The following PNLDC1 variants were observed in gnomAD, a reference collection of about 807,000 sequenced individuals.
The protein encoded by PNLDC1 is PARN like ribonuclease domain containing exonuclease 1, also known as poly(A)-specific ribonuclease PNLDC1.
In PNLDC1, 70 loss-of-function variants were observed where a neutral mutation model predicts 82.0. That is an observed-to-expected ratio of 0.85 (90% CI 0.70 to 1.04). PNLDC1 has a LOEUF of 1.04. Ranked by LOEUF, PNLDC1 falls within the 50% of genes least tolerant of loss-of-function variation. PNLDC1 has a pLI of 0.00. For synonymous variants in PNLDC1, 280 were observed against 249.3 expected (o/e 1.12, Z -1.16); for missense variants, 631 against 661.1 (o/e 0.95, Z 0.50).
rs1409822717 is a variant in PNLDC1, at chr6:159,808,734, C to T, written c.563-6C>T. ...TGCTGTGTGCCCCTGTGTTTCCCTG[C>T]TGCAGGCTTCCAGGCCTTTGAGGTC... On this transcript the variant is annotated splice_region_variant and splice_polypyrimidine_tract_variant and intron_variant, in intron 7 of 18. Coordinates refer to ENST00000392167, the MANE Select transcript of PNLDC1 (RefSeq NM_001271862.2). The T allele has an allele frequency of 1.2e-6, 2 of 1,612,932 alleles. No individual in the cohort carries two copies. Among genetic ancestry groups the T allele is most frequent in the East Asian group, 4.5e-5 (2 of 44,828 alleles).
Position 159,800,363 on chromosome 6 carries a change from T to C in PNLDC1, c.56T>C (p.Val19Ala). ...EESLPLLQEL[V>A]QEADFVGLDI... ...AGCCTCCCTCTGCTGCAGGAGCTCG[T>C]CCAGGAGGCCGACTTCGTGGGTGAA... Residue 19 changes from valine (V) to alanine (A), a missense_variant, in exon 1 of 19, where the codon GTC becomes GCC. By Grantham distance (64) the Val-to-Ala change is moderately conservative. Coordinates refer to ENST00000392167, the MANE Select transcript of PNLDC1 (RefSeq NM_001271862.2). 1 of 1,548,108 alleles carries C rather than the reference T, an allele frequency of 6.5e-7. No homozygotes were observed. Among genetic ancestry groups the C allele is most frequent in the Non-Finnish European group, 8.7e-7 (1 of 1,146,480 alleles).
At chr6:159,803,366 G>A in intron 4 of PNLDC1, 56 bp downstream of exon 4, 2 of 1,535,844 alleles carry the variant, frequency 1.3e-6, no homozygotes, top group Non-Finnish European at 1.8e-6. Context: ...TTCCACAGCT[G>A]CCACCTTCAA....
rs543558170 is a variant in PNLDC1 at position 159,820,450 on chromosome 6, G to T, written c.1533-4G>T. 1.2e-6 allele frequency: 2 copies of T among 1,614,062 alleles called. No homozygotes were observed. The highest frequency in any genetic ancestry group is 1.1e-5 in the South Asian group (1 of 91,080). On this transcript the variant is annotated splice_polypyrimidine_tract_variant and splice_region_variant and intron_variant, in intron 18 of 18. Transcript: ENST00000392167. ...GGCCACTGACACGTGTCATTGTCTTGCAGAGTCTGTGGCATAGTGACTGCC... is the reference window on the plus strand; with the variant it reads ...GGCCACTGACACGTGTCATTGTCTTTCAGAGTCTGTGGCATAGTGACTGCC...
intron 9 of PNLDC1, among the ~76,000 whole-genome samples, 190 bp from the exon 10 acceptor site, chr6:159,809,829 GTTTTCTT>G (rs919644106): frequency 7.2e-5 from 11 of 152,098 alleles, no homozygotes; most frequent in Non-Finnish European, 5.9e-5. Flanking sequence ...CTTGTGAATT[GTTTTCTT>G]TTTTCTTTTT....
intron 7 of PNLDC1, among the ~76,000 whole-genome samples, chr6:159,808,382 AT>A (rs1781523714): frequency 6.6e-6 from 1 of 152,162 alleles, no homozygotes; most frequent in Non-Finnish European, 1.5e-5. Flanking sequence ...TATAAGTGTT[AT>A]TTTTGTTCAT....
intron 13 of PNLDC1, 31 bp downstream of exon 13, chr6:159,816,064 C>G: frequency 6.2e-7 from 1 of 1,601,112 alleles, no homozygotes; most frequent in Non-Finnish European, 8.5e-7. Context: ...AATCCTTGCA[C>G]AGTCGGCAGA....
Position 159,818,670 on chromosome 6 carries a change from T to C in PNLDC1, c.1257+16T>C. On this transcript the variant is annotated intron_variant, in intron 16 of 18. Transcript: ENST00000392167. ...CCCAAAGATCGTGAGTAGATCTCAT[T>C]TGGCCCCCTCGCCCCATTCAGAGTT... is the stretch of plus-strand genomic sequence containing the variant. 6.2e-7 allele frequency: 1 copy of C among 1,605,540 alleles called. No homozygotes were observed. The highest frequency in any genetic ancestry group is 8.5e-7 in the Non-Finnish European group (1 of 1,172,980).
intron 12 of PNLDC1, among the ~76,000 whole-genome samples, chr6:159,814,866 A>G (rs1781762836): frequency 6.6e-6 from 1 of 152,196 alleles, no homozygotes; most frequent in Non-Finnish European, 1.5e-5. Context: ...GACTTAGAAC[A>G]GCCCCTTGCA....
chr6:159,808,341 T>G (rs1781521776), intron 7 of PNLDC1, among the ~76,000 whole-genome samples: 1 of 152,264 alleles, frequency 6.6e-6, no homozygotes, highest in Non-Finnish European at 1.5e-5. Context: ...CTCTTCTCGC[T>G]AAGTTTTTGT....
chr6:159,814,055 C>CA (rs1781735225), intron 12 of PNLDC1, among the ~76,000 whole-genome samples: 1 of 152,126 alleles, frequency 6.6e-6, no homozygotes, highest in Admixed American at 6.5e-5. Context: ...GGGGTGTCTC[C>CA]ACCTCTTTCT....
intron 2 of PNLDC1, 25 bp from the exon 3 acceptor site, chr6:159,801,088 G>C: frequency 6.2e-7 from 1 of 1,612,708 alleles, no homozygotes; most frequent in African/African-American, 1.3e-5. Flanking sequence ...ATTGCTCGTG[G>C]AATGAGATGC....
At position 159,804,529 on chromosome 6, in the gene PNLDC1, T is replaced by G. The variant is rs183693815; in HGVS notation, c.373-20T>G. 488 of 1,510,940 alleles carry G rather than the reference T, an allele frequency of 3.2e-4. 2 individuals are homozygous for G. The East Asian group carries it at 8.9e-3, about 28-fold the overall frequency. 93.6% of individuals were successfully genotyped at this position (1,510,940 alleles called of 1,614,324 possible). A position where few individuals can be genotyped will look rare whatever the true frequency, so the allele number is the denominator to read the frequency against. ...TGACTTGTCTCCTTGTTCTGTTTGT[T>G]GTTCTGTTTCTGTCTTAAGTTTCTC... On this transcript the variant is annotated intron_variant, in intron 5 of 18. Coordinates refer to ENST00000392167, the MANE Select transcript of PNLDC1 (RefSeq NM_001271862.2).
At chr6:159,803,431 TG>T in intron 4 of PNLDC1, 121 bp downstream of exon 4, 1 of 854,596 alleles carries the variant, frequency 1.2e-6, no homozygotes, top group South Asian at 1.5e-5. Flanking sequence ...TATTCTCTCC[TG>T]TGTCTGTTCC....
rs546800192 is a variant in PNLDC1, at chr6:159,816,119, C to G, written c.1060+86C>G. 891 of 1,166,168 alleles carry G rather than the reference C, an allele frequency of 7.6e-4. 11 individuals carry two copies. In the Middle Eastern group the frequency reaches 9.6e-3, roughly 13 times the overall value. The allele number at this position is 1,166,168 out of a possible 1,614,324, so 72.2% of individuals were successfully genotyped here. A position where few individuals can be genotyped will look rare whatever the true frequency, so the allele number is the denominator to read the frequency against. On this transcript the variant is annotated intron_variant, in intron 13 of 18. Transcript: ENST00000392167. ...AGCTTGTCCTTGACCCTGGTTCCCC[C>G]ACACCCCTCCCCACCCACCCGCCAC... is the stretch of plus-strand genomic sequence containing the variant.
At chr6:159,817,203 T>G in intron 15 of PNLDC1, 52 bp downstream of exon 15, 1 of 1,546,426 alleles carries the variant, frequency 6.5e-7, no homozygotes. Flanking sequence ...CAGGATTTAT[T>G]GAGCCCTTGC....
At position 159,813,606 on chromosome 6, in the gene PNLDC1, G is replaced by T. The variant is rs1353777370; in HGVS notation, c.945G>T (p.Met315Ile). The change falls in exon 12 of 19, where the codon ATG becomes ATT. Residue 315 changes from methionine (M) to isoleucine (I), a missense_variant. Transcript: ENST00000392167. ...TTTGTTTTCCATGATTGTAGGAGATGAATTTCCCGAGGGTGTCGAATCTTT... is the reference window on the plus strand; with the variant it reads ...TTTGTTTTCCATGATTGTAGGAGATTAATTTCCCGAGGGTGTCGAATCTTT... ...KSVTKDIWKE[M>I]NFPRVSNLSE... The T allele has an allele frequency of 1.2e-6, 2 of 1,612,660 alleles. No individual in the cohort carries two copies. Among genetic ancestry groups the T allele is most frequent in the South Asian group, 1.1e-5 (1 of 91,014 alleles).
At chr6:159,818,099 G>T (rs1404734760) in intron 15 of PNLDC1, among the ~76,000 whole-genome samples, 1 of 152,196 alleles carries the variant, frequency 6.6e-6, no homozygotes, top group African/African-American at 2.4e-5. Context: ...TGTCTGTGTG[G>T]CCCGTGGTTT....
In PNLDC1 at chr6:159,819,073, G is replaced by A. The variant is rs776058454; in HGVS notation, c.1385G>A (p.Arg462Lys). ...KFQNLCKFDV[R>K]RLTRSQFLLL... ...CAGAATCTCTGCAAGTTTGATGTCA[G>A]GCGACTCACAAGAAGCCAGTTCTTA... The change falls in exon 17 of 19, where the codon AGG becomes AAG. Residue 462 changes from arginine to lysine, a missense_variant. Coordinates refer to ENST00000392167, the MANE Select transcript of PNLDC1 (RefSeq NM_001271862.2). This position sits in a 1 kb window ranked among gnomAD's most constrained non-coding sequence, Gnocchi z 4.6. 2.5e-6 allele frequency: 4 copies of A among 1,614,012 alleles called. No individual in the cohort carries two copies. Among genetic ancestry groups the A allele is most frequent in the Middle Eastern group, 3.3e-4 (2 of 6,062 alleles).
intron 7 of PNLDC1, among the ~76,000 whole-genome samples, chr6:159,806,790 ATAAG>A (rs1781463374): frequency 6.6e-6 from 1 of 152,174 alleles, no homozygotes; most frequent in South Asian, 2.1e-4. Flanking sequence ...TATGTAAAAA[ATAAG>A]TATGCATAAA....
Sources: gnomAD v4.1 joint callset for allele counts (sites outside exome capture counted in the v4.1 genomes callset) on GRCh38, gnomAD v4.1.1 for gene constraint, Gnocchi (gnomAD v3.1) non-coding constraint, MANE v1.5 for transcripts, NCBI Gene and HGNC (gene_info 2026-07-23, HGNC 2026-07-21) for gene names.